ANO2: variants seen among roughly 807,000 people sequenced by gnomAD.
The protein encoded by ANO2 is anoctamin-2.
Under a neutral mutation model 124.2 loss-of-function variants are expected in ANO2, and 101 were observed. The ratio of observed to expected loss-of-function variants is 0.81; its 90% CI spans 0.69 to 0.96. The LOEUF (loss-of-function observed/expected upper bound fraction) is 0.96, where lower values mean the gene tolerates loss of function less well. Among genes scored for constraint, ANO2 ranks in the 40% least tolerant of loss-of-function variants. ANO2 has a pLI of 0.00. For synonymous variants in ANO2, 486 were observed against 482.5 expected (o/e 1.01, Z -0.09); for missense variants, 1,293 against 1,274.5 (o/e 1.01, Z -0.22).
At chr12:5,802,601 A>G (rs920404120) in intron 9 of ANO2, among the ~76,000 whole-genome samples, 1 of 152,094 alleles carries the variant, frequency 6.6e-6, no homozygotes, top group Non-Finnish European at 1.5e-5. Flanking sequence ...ACCAGCACTC[A>G]GGGTGAAGGG....
rs1033021849 is a variant in ANO2 at position 5,906,358 on chromosome 12, A to G, written c.534+14682T>C. ...ATGTCACACATTGTTAAAAAAAAAAAAAAAAGAAAAAGAAAAAAAGAGGCC... is the reference window on the plus strand; with the variant it reads ...ATGTCACACATTGTTAAAAAAAAAAGAAAAAGAAAAAGAAAAAAAGAGGCC... On this transcript the variant is annotated intron_variant, in intron 3 of 24. Coordinates refer to ENST00000682330, the MANE Select transcript of ANO2 (RefSeq NM_001364791.2). Among the ~76,000 whole-genome samples, 3 of 150,816 alleles carry G rather than the reference A, an allele frequency of 2.0e-5. No individual in the cohort carries two copies. In the South Asian group the frequency reaches 6.2e-4, roughly 31 times the overall value.
rs150732175 is a variant in ANO2, at chr12:5,802,451, G to A, written c.991-2880C>T. Among the ~76,000 whole-genome samples the A allele has an allele frequency of 5.5e-3, 835 of 152,338 alleles. 10 individuals are homozygous for A. Among genetic ancestry groups the A allele is most frequent in the African/African-American group, 0.019 (797 of 41,576 alleles). On this transcript the variant is annotated intron_variant, in intron 9 of 24. Transcript: ENST00000682330. ...CCTGGATGCCCAGGCCAGCTCACACGCCTTCTGTCACCTGCAGGGGAGGCA... is the reference window on the plus strand; with the variant it reads ...CCTGGATGCCCAGGCCAGCTCACACACCTTCTGTCACCTGCAGGGGAGGCA...
chr12:5,583,264 T>C (rs1351297009), intron 20 of ANO2, among the ~76,000 whole-genome samples: 2 of 152,150 alleles, frequency 1.3e-5, no homozygotes, highest in African/African-American at 4.8e-5. Flanking sequence ...GCAATTCTCA[T>C]TGCTGCAATC....
chr12:5,685,764 G>A (rs1478956694), intron 14 of ANO2, among the ~76,000 whole-genome samples: 1 of 151,798 alleles, frequency 6.6e-6, no homozygotes, highest in African/African-American at 2.4e-5. Flanking sequence ...GCAACAAAGT[G>A]AGACCCTGTC....
intron 1 of ANO2, among the ~76,000 whole-genome samples, chr12:5,939,537 G>A (rs1942811607): frequency 1.3e-5 from 2 of 152,186 alleles, no homozygotes. Context: ...GGAAATTTGG[G>A]AAAGGCTCTG....
At chr12:5,894,159 T>G (rs1006727984) in intron 3 of ANO2, among the ~76,000 whole-genome samples, 1 of 152,194 alleles carries the variant, frequency 6.6e-6, no homozygotes, top group Non-Finnish European at 1.5e-5. Context: ...TGTTGTTTCC[T>G]GACTTTTTAA....
chr12:5,649,537 A>G (rs1038399611), intron 14 of ANO2, among the ~76,000 whole-genome samples: 1 of 152,092 alleles, frequency 6.6e-6, no homozygotes, highest in Non-Finnish European at 1.5e-5. Flanking sequence ...AAGAGGGAGT[A>G]GAGCTTCTTT....
In ANO2 at chr12:5,578,476, G is replaced by A; in HGVS notation, c.2276C>T (p.Pro759Leu). Residue 759 changes from proline (P) to leucine (L), a missense_variant, in exon 21 of 25, where the codon CCC becomes CTC. Physicochemically the swap from Pro to Leu is moderately conservative, Grantham distance 98. Transcript: ENST00000682330. ...GFVTLFVASF[P>L]LAPVFALLNN... is the part of the protein sequence containing the mutation. ...GAGGAGGGCAAACACAGGTGCCAGG[G>A]GAAAGGAGGCCACGAAGAGGGTGAC... 1 of 1,613,932 alleles carries A rather than the reference G, an allele frequency of 6.2e-7. No homozygotes were observed. Among genetic ancestry groups the A allele is most frequent in the East Asian group, 2.2e-5 (1 of 44,876 alleles).
chr12:5,942,255 T>C (rs1295111746), intron 1 of ANO2, among the ~76,000 whole-genome samples: 2 of 152,314 alleles, frequency 1.3e-5, no homozygotes, highest in Non-Finnish European at 1.5e-5. Context: ...GGTTTTCAAA[T>C]AGCATTTTTT....
At position 5,585,327 on chromosome 12, in the gene ANO2, C is replaced by T. The variant is rs544212133; in HGVS notation, c.2234-6809G>A. On this transcript the variant is annotated intron_variant, in intron 20 of 24. Transcript: ENST00000682330. ...TCACCTGGGGGTTTACACAATGGAT[C>T]GGGCCTGATTCAAAAAGCCTGGGAA... 3.6e-4 allele frequency among the ~76,000 whole-genome samples: 55 copies of T among 152,224 alleles called. No homozygotes were observed. In the South Asian group the frequency reaches 0.011, roughly 29 times the overall value.
rs1942549908 is a variant in ANO2 at position 5,578,433 on chromosome 12, C to T, written c.2319G>A (p.Val773=). The change falls in exon 21 of 25, where the codon GTG becomes GTA. Residue 773 remains valine (V), a synonymous_variant. Transcript: ENST00000682330. Reference sequence around the variant, plus strand: ...TAACAAACTTCTTTGCATCGAGCCGCACTTCAATGACGTTGTTGAGGAGGG... The same window carrying T: ...TAACAAACTTCTTTGCATCGAGCCGTACTTCAATGACGTTGTTGAGGAGGG... ...VFALLNNVIE[V]RLDAKKFVTE... is the part of the protein sequence containing the mutation. The T allele has an allele frequency of 1.9e-6, 3 of 1,613,998 alleles. No individual in the cohort carries two copies. Among genetic ancestry groups the T allele is most frequent in the Non-Finnish European group, 2.5e-6 (3 of 1,179,876 alleles).
intron 10 of ANO2, among the ~76,000 whole-genome samples, chr12:5,770,138 T>G (rs1347705636): frequency 6.6e-6 from 1 of 152,212 alleles, no homozygotes; most frequent in Non-Finnish European, 1.5e-5. Context: ...CTAGGCCACA[T>G]GACAGAAGCA....
chr12:5,859,167 C>T (rs1955193152), intron 3 of ANO2, among the ~76,000 whole-genome samples: 1 of 152,156 alleles, frequency 6.6e-6, no homozygotes, highest in South Asian at 2.1e-4. Context: ...CAACAGGCAA[C>T]TAAAACTTCA....
chr12:5,781,197 T>C (rs1952383543), intron 10 of ANO2, among the ~76,000 whole-genome samples: 1 of 152,224 alleles, frequency 6.6e-6, no homozygotes, highest in African/African-American at 2.4e-5. Flanking sequence ...CAAAAATTGA[T>C]TTTTATGGGT....
chr12:5,651,031 G>A (rs1345423057), intron 14 of ANO2, among the ~76,000 whole-genome samples: 1 of 152,256 alleles, frequency 6.6e-6, no homozygotes, highest in Non-Finnish European at 1.5e-5. Flanking sequence ...GGGATCACAT[G>A]AGTGCATGCA....
At chr12:5,941,493 G>A (rs1377203080) in intron 1 of ANO2, among the ~76,000 whole-genome samples, 2 of 151,676 alleles carry the variant, frequency 1.3e-5, no homozygotes, top group African/African-American at 2.4e-5. Context: ...ACAAGCTAAC[G>A]TTCATGTGAC....
intron 11 of ANO2, among the ~76,000 whole-genome samples, chr12:5,748,063 T>C (rs1181773108): frequency 1.3e-5 from 2 of 152,120 alleles, no homozygotes; most frequent in Non-Finnish European, 2.9e-5. Context: ...CATGAGTGTG[T>C]GTGAATGTGG....
intron 15 of ANO2, among the ~76,000 whole-genome samples, chr12:5,642,022 A>G (rs1036876228): frequency 3.3e-5 from 5 of 152,178 alleles, no homozygotes; most frequent in African/African-American, 1.2e-4. Flanking sequence ...ATGATGACAC[A>G]GATTTTTCTC....
chr12:5,576,002 G>A lies in ANO2; in HGVS notation c.2453C>T (p.Ala818Val), dbSNP rs1312089792. Reference sequence around the variant, plus strand: ...GCGGGGGATAAAGTCGGAGGTGATCGCAATGACAAAAGCCTGAGGGACAGA... The same window carrying A: ...GCGGGGGATAAAGTCGGAGGTGATCACAATGACAAAAGCCTGAGGGACAGA... Reference protein sequence around the residue: ...FSVISNAFVIAITSDFIPRLV... With the variant: ...FSVISNAFVIVITSDFIPRLV... Residue 818 changes from alanine to valine, a missense_variant, in exon 23 of 25, where the codon GCG becomes GTG. Transcript: ENST00000682330. 14 of 1,605,972 alleles carry A rather than the reference G, an allele frequency of 8.7e-6. No homozygotes were observed. Among genetic ancestry groups the A allele is most frequent in the Middle Eastern group, 1.6e-4 (1 of 6,072 alleles).
Sources: allele counts gnomAD v4.1 joint callset (sites outside exome capture counted in the v4.1 genomes callset), GRCh38; gene constraint gnomAD v4.1.1; transcripts MANE v1.5; gene names NCBI Gene and HGNC (gene_info 2026-07-23, HGNC 2026-07-21).